Variants in PCNX1 observed in about 807,000 individuals in gnomAD.
The protein encoded by PCNX1 is pecanex 1, also known as pecanex-like protein 1.
Under a neutral mutation model 242.2 loss-of-function variants are expected in PCNX1, and 78 were observed. The ratio of observed to expected loss-of-function variants is 0.32; its 90% CI spans 0.27 to 0.39. The LOEUF (loss-of-function observed/expected upper bound fraction) is 0.39. Ranked by LOEUF, PCNX1 falls within the 10% of genes least tolerant of loss-of-function variation. PCNX1 has a pLI of 1.00. For synonymous variants in PCNX1, 1,024 were observed against 1,032.9 expected (o/e 0.99, Z 0.17); for missense variants, 2,581 against 2,856.5 (o/e 0.90, Z 2.20).
At chr14:70,926,706 G>A (rs796696376) in intron 1 of PCNX1, among the ~76,000 whole-genome samples, 5 of 152,198 alleles carry the variant, frequency 3.3e-5, no homozygotes, top group African/African-American at 1.2e-4. Context: ...AGTGGGTGTG[G>A]TGTTACCCTC....
intron 8 of PCNX1, among the ~76,000 whole-genome samples, chr14:71,005,799 A>G (rs2059639646): frequency 6.6e-6 from 1 of 152,090 alleles, no homozygotes; most frequent in Non-Finnish European, 1.5e-5. Flanking sequence ...TCATTGACCT[A>G]TAGTTGTTAC....
In PCNX1 at chr14:71,047,872, C is replaced by T. The variant is rs760293560; in HGVS notation, c.4226C>T (p.Thr1409Ile). ...CTACGATCCTCTTTTAGCAGCCCTA[C>T]ATATCAGTATGTTACAGTCATCTTT... ...KLLRSSFSSP[T>I]YQYVTVIFTV... The change falls in exon 22 of 36, where the codon ACA becomes ATA. Residue 1409 changes from threonine to isoleucine, a missense_variant. By Grantham distance (89) the Thr-to-Ile change is moderately conservative (BLOSUM62 -1). This residue lies in a region of PCNX1 where 432 missense variants were observed against 443.1 expected (regional missense o/e 0.97). Coordinates refer to ENST00000304743, the MANE Select transcript of PCNX1 (RefSeq NM_014982.3). 1.9e-6 allele frequency: 3 copies of T among 1,613,154 alleles called. No individual in the cohort carries two copies. Among genetic ancestry groups the T allele is most frequent in the Non-Finnish European group, 2.5e-6 (3 of 1,179,316 alleles).
intron 8 of PCNX1, among the ~76,000 whole-genome samples, chr14:71,008,383 G>A (rs530774088): frequency 2.0e-5 from 3 of 152,164 alleles, no homozygotes; most frequent in South Asian, 2.1e-4. Flanking sequence ...TTGGCCGGGC[G>A]CAGTGGCTCA....
intron 15 of PCNX1, among the ~76,000 whole-genome samples, chr14:71,027,932 G>C (rs2060280991): frequency 1.3e-5 from 2 of 151,706 alleles, no homozygotes; most frequent in African/African-American, 4.8e-5. Flanking sequence ...ATGGGCTTTT[G>C]TCATACTATA....
intron 19 of PCNX1, among the ~76,000 whole-genome samples, chr14:71,041,301 G>C (rs950328285): frequency 6.6e-6 from 1 of 152,046 alleles, no homozygotes; most frequent in African/African-American, 2.4e-5. Context: ...CAACAGTGGA[G>C]GAATTCAGCA....
intron 11 of PCNX1, among the ~76,000 whole-genome samples, chr14:71,017,889 AATT>A (rs2060000991): frequency 6.6e-6 from 1 of 152,176 alleles, no homozygotes; most frequent in Non-Finnish European, 1.5e-5. Context: ...GATGTTTATG[AATT>A]TTATTTTTAG....
intron 1 of PCNX1, among the ~76,000 whole-genome samples, chr14:70,941,490 A>C (rs1328601658): frequency 6.6e-6 from 1 of 152,158 alleles, no homozygotes; most frequent in South Asian, 2.1e-4. Flanking sequence ...CTTCCTCTGG[A>C]AGCTTCGTCT....
intron 22 of PCNX1, chr14:71,049,099 C>T (rs950749714): frequency 2.2e-6 from 2 of 897,198 alleles, no homozygotes; most frequent in Non-Finnish European, 2.7e-6. Flanking sequence ...AATTGTATTT[C>T]ATCTTATACT....
In PCNX1 at chr14:71,014,073, C is replaced by G. The variant is rs367586654; in HGVS notation, c.2996+871C>G. Among the ~76,000 whole-genome samples, 538 of 152,308 alleles carry G rather than the reference C, an allele frequency of 3.5e-3. 1 individual carries two copies. The highest frequency in any genetic ancestry group is 0.013 in the African/African-American group (522 of 41,568). On this transcript the variant is annotated intron_variant, in intron 11 of 35. Coordinates refer to ENST00000304743, the MANE Select transcript of PCNX1 (RefSeq NM_014982.3). ...TGTGAAAAGGAACAGAGGAACAGTTCCTGGCAATCACACAGCACTGGGAAT... is the reference window on the plus strand; with the variant it reads ...TGTGAAAAGGAACAGAGGAACAGTTGCTGGCAATCACACAGCACTGGGAAT...
chr14:70,988,743 A>G, intron 7 of PCNX1, 44 bp downstream of exon 7: 7 of 1,591,612 alleles, frequency 4.4e-6, no homozygotes, highest in South Asian at 1.1e-5. Context: ...GCATGTAACA[A>G]CCCTTCTAAT....
Position 71,102,211 on chromosome 14 carries a change from G to A in PCNX1, c.5811G>A (p.Arg1937=). ...TCAACAGACGCTACCTGAGCTTCAG[G>A]GTCATTAAAGTAAGTGTTTGAGGTA... ...IMLNRRYLSF[R]VIKVNKECVR... Residue 1937 remains arginine, a synonymous_variant, in exon 31 of 36, where the codon AGG becomes AGA. Coordinates refer to ENST00000304743, the MANE Select transcript of PCNX1 (RefSeq NM_014982.3). The A allele has an allele frequency of 6.2e-7, 1 of 1,606,006 alleles. No individual in the cohort carries two copies. The highest frequency in any genetic ancestry group is 8.5e-7 in the Non-Finnish European group (1 of 1,172,722).
intron 2 of PCNX1, among the ~76,000 whole-genome samples, chr14:70,958,313 A>G (rs1172122242): frequency 6.6e-6 from 1 of 152,248 alleles, no homozygotes; most frequent in Non-Finnish European, 1.5e-5. Flanking sequence ...GCAAACAGGG[A>G]CATTATAATT....
At chr14:71,106,228 C>T (rs1056947497) in intron 33 of PCNX1, among the ~76,000 whole-genome samples, 7 of 151,888 alleles carry the variant, frequency 4.6e-5, no homozygotes, top group African/African-American at 1.2e-4. Flanking sequence ...CCATGTTAGC[C>T]AGAATGGTCT....
chr14:71,055,141 T>TA (rs2061146290), intron 24 of PCNX1, among the ~76,000 whole-genome samples: 1 of 152,192 alleles, frequency 6.6e-6, no homozygotes, highest in Non-Finnish European at 1.5e-5. Context: ...CATTAATACA[T>TA]ACACCTTCCT....
intron 13 of PCNX1, among the ~76,000 whole-genome samples, chr14:71,025,153 A>G (rs2060206142): frequency 6.6e-6 from 1 of 152,172 alleles, no homozygotes; most frequent in Admixed American, 6.5e-5. Context: ...ACTATAAGGA[A>G]GAGCTTTCCC....
rs183096271 is a variant in PCNX1 at position 71,084,013 on chromosome 14, G to C, written c.5338-4317G>C. On this transcript the variant is annotated intron_variant, in intron 28 of 35. Transcript: ENST00000304743. ...TATCTACCTTTGGTCTTTGATGCTG[G>C]TGACCTTCAGATGGGGTTTCTGTGT... 5.3e-5 allele frequency among the ~76,000 whole-genome samples: 8 copies of C among 152,272 alleles called. No homozygotes were observed. The East Asian group carries it at 1.5e-3, about 29-fold the overall frequency.
In PCNX1 at chr14:70,982,964, A is replaced by C. The variant is rs566972627; in HGVS notation, c.2311+4316A>C. 3.6e-4 allele frequency among the ~76,000 whole-genome samples: 55 copies of C among 152,320 alleles called. 2 individuals carry two copies. In the East Asian group the frequency reaches 0.01, roughly 28 times the overall value. On this transcript the variant is annotated intron_variant, in intron 6 of 35. Transcript: ENST00000304743. ...TCAGACTCCAATGAGCTTAAACCTA[A>C]TGACTGTAGAAATGTGAAAATGCTT...
In PCNX1 at chr14:70,907,817, G is replaced by GCGGCGGCGGCGA. The variant is rs746889498; in HGVS notation, c.-22_-11dup. ...TGGGGCCGGGGCGGGGACGGCGGCG[G>GCGGCGGCGGCGA]CGGCGGCGGCGACGGCGGCGGCGCC... On this transcript the variant is annotated 5_prime_UTR_variant, in exon 1 of 36. Coordinates refer to ENST00000304743, the MANE Select transcript of PCNX1 (RefSeq NM_014982.3). 17 of 1,242,012 alleles carry GCGGCGGCGGCGA rather than the reference G, an allele frequency of 1.4e-5. No homozygotes were observed. The highest frequency in any genetic ancestry group is 1.5e-5 in the Non-Finnish European group (15 of 990,670). 76.9% of individuals were successfully genotyped at this position (1,242,012 alleles called of 1,614,324 possible).
At chr14:71,093,088 A>G (rs527827527) in intron 30 of PCNX1, 12 of 152,316 alleles carry the variant, frequency 7.9e-5, no homozygotes, top group Admixed American at 6.5e-4. Context: ...CTCATTATAC[A>G]TGGTACTCAA....
Sources: allele counts gnomAD v4.1 joint callset (sites outside exome capture counted in the v4.1 genomes callset), GRCh38; gene constraint gnomAD v4.1.1; regional missense constraint gnomAD v4.1.1; transcripts MANE v1.5; gene names NCBI Gene and HGNC (gene_info 2026-07-23, HGNC 2026-07-21).